NYAP2: variants seen among roughly 807,000 people sequenced by gnomAD.
The protein encoded by NYAP2 is neuronal tyrosine-phosphorylated phosphoinositide-3-kinase adaptor 2, also known as neuronal tyrosine-phosphorylated phosphoinositide-3-kinase adapter 2.
NYAP2 carries 23 observed loss-of-function variants against 50.4 expected under a neutral mutation model. That is an observed-to-expected ratio of 0.46 (90% CI 0.33 to 0.65). The LOEUF is 0.65. Ranked by LOEUF, NYAP2 falls within the 30% of genes least tolerant of loss-of-function variation. The pLI is 0.02. For missense variants in NYAP2, 885 were observed against 861.0 expected, an observed-to-expected ratio of 1.03 and a Z score of -0.35; for synonymous variants, 394 against 365.2, an observed-to-expected ratio of 1.08 and a Z score of -0.90.
At chr2:225,549,087 G>T (rs1691630973) in intron 4 of NYAP2, among the ~76,000 whole-genome samples, 2 of 151,934 alleles carry the variant, frequency 1.3e-5, no homozygotes, top group African/African-American at 4.8e-5. Context: ...TGTCATTCTG[G>T]CCAGGCTGGT....
In NYAP2 at chr2:225,545,274, T is replaced by C. The variant is rs548391000; in HGVS notation, c.523+31602T>C. ...GACATTTTCCCTTTGAATAAACTTT[T>C]TACCCTTATCTCTTTCTCTACGTCC... On this transcript the variant is annotated intron_variant, in intron 4 of 6. Transcript: ENST00000636099. Among the ~76,000 whole-genome samples the C allele has an allele frequency of 5.3e-5, 8 of 152,312 alleles. No individual in the cohort carries two copies. In the South Asian group the frequency reaches 1.2e-3, roughly 24 times the overall value.
At chr2:225,511,369 C>G (rs3957272) in intron 3 of NYAP2, among the ~76,000 whole-genome samples, 25,169 of 132,350 alleles carry the variant, frequency 0.19, 2,446 homozygotes, top group East Asian at 0.32. Flanking sequence ...CACACACACA[C>G]ACACAGAGAG....
chr2:225,675,152 T>A, the NYAP2 span, among the ~76,000 whole-genome samples: 3 of 152,058 alleles, frequency 2.0e-5, no homozygotes, highest in African/African-American at 7.2e-5. Flanking sequence ...AATTTCAACT[T>A]TTATTATAGT....
At chr2:225,648,173 G>T (rs1211482325) in intron 6 of NYAP2, among the ~76,000 whole-genome samples, 1 of 152,000 alleles carries the variant, frequency 6.6e-6, no homozygotes, top group Admixed American at 6.6e-5. Flanking sequence ...GCAAATTTTT[G>T]TATTTTTAGT....
intron 4 of NYAP2, among the ~76,000 whole-genome samples, chr2:225,559,856 G>A (rs2106214967): frequency 6.6e-6 from 1 of 151,918 alleles, no homozygotes; most frequent in East Asian, 1.9e-4. Flanking sequence ...ATATATCTAT[G>A]CTTTATACAT....
intron 6 of NYAP2, among the ~76,000 whole-genome samples, chr2:225,644,379 C>T (rs1425047781): frequency 6.6e-6 from 1 of 150,928 alleles, no homozygotes; most frequent in Admixed American, 6.6e-5. Context: ...AATTTTCTCC[C>T]ATTTTGTAGG....
At chr2:225,550,083 G>A (rs553171188) in intron 4 of NYAP2, among the ~76,000 whole-genome samples, 6 of 152,184 alleles carry the variant, frequency 3.9e-5, no homozygotes, top group Non-Finnish European at 7.4e-5. Context: ...AAGAGAACAA[G>A]CCAAGAAAGG....
At chr2:225,432,558 A>G (rs1689287057) in intron 3 of NYAP2, among the ~76,000 whole-genome samples, 1 of 151,902 alleles carries the variant, frequency 6.6e-6, no homozygotes, top group South Asian at 2.1e-4. Context: ...ATAAATATAT[A>G]TGGCTATATA....
At chr2:225,454,442 C>T (rs1476821464) in intron 3 of NYAP2, among the ~76,000 whole-genome samples, 1 of 152,104 alleles carries the variant, frequency 6.6e-6, no homozygotes, top group Non-Finnish European at 1.5e-5. Context: ...GTCTAGTGTC[C>T]TAGGAATTCA....
In NYAP2 at chr2:225,573,956, G is replaced by T. The variant is rs867657872; in HGVS notation, c.524-7985G>T. Among the ~76,000 whole-genome samples, 3 of 152,168 alleles carry T rather than the reference G, an allele frequency of 2.0e-5. No homozygotes were observed. In the South Asian group the frequency reaches 6.2e-4, roughly 32 times the overall value. ...CTATTGATAGACAGAATGTGTAAAA[G>T]CAGGGAAGGTGTTGAGGGTGGCTAT... On this transcript the variant is annotated intron_variant, in intron 4 of 6. Coordinates refer to ENST00000636099, the Ensembl canonical transcript of NYAP2.
At chr2:225,646,041 G>A (rs1559239339) in intron 6 of NYAP2, among the ~76,000 whole-genome samples, 1 of 152,114 alleles carries the variant, frequency 6.6e-6, no homozygotes, top group Non-Finnish European at 1.5e-5. Context: ...TGAAAGGCAT[G>A]GTTATAATTA....
chr2:225,684,396 T>TTC, the NYAP2 span, among the ~76,000 whole-genome samples: 6 of 149,456 alleles, frequency 4.0e-5, no homozygotes, highest in African/African-American at 9.9e-5. Context: ...CTATGTTTCT[T>TTC]TCTCTCTCTC....
chr2:225,598,031 G>C (rs1419375686), intron 5 of NYAP2, among the ~76,000 whole-genome samples: 1 of 152,086 alleles, frequency 6.6e-6, no homozygotes, highest in African/African-American at 2.4e-5. Context: ...GGAGCATAAA[G>C]AATTGGAGAG....
chr2:225,548,963 C>A (rs1190224714), intron 4 of NYAP2, among the ~76,000 whole-genome samples: 1 of 151,724 alleles, frequency 6.6e-6, no homozygotes, highest in Non-Finnish European at 1.5e-5. Flanking sequence ...CTCACTGCAA[C>A]CTCTACCTCC....
At chr2:225,415,077 G>T (rs145500337) in intron 3 of NYAP2, among the ~76,000 whole-genome samples, 2 of 152,192 alleles carry the variant, frequency 1.3e-5, no homozygotes, top group African/African-American at 2.4e-5. Context: ...TGACACAAAG[G>T]ACTACTTAGG....
chr2:225,414,208 C>T (rs940278826), intron 3 of NYAP2, among the ~76,000 whole-genome samples: 1 of 152,102 alleles, frequency 6.6e-6, no homozygotes, highest in East Asian at 1.9e-4. Context: ...TGGGATTTTA[C>T]TCAAAAGTCT....
At chr2:225,398,119 C>T (rs557214773), upstream of NYAP2, among the ~76,000 whole-genome samples, 1 of 152,076 alleles carries the variant, frequency 6.6e-6, no homozygotes, top group East Asian at 1.9e-4. Flanking sequence ...AACTGTATGT[C>T]AGCCTCTCCT....
chr2:225,608,484 C>G (rs1692827752), intron 5 of NYAP2, among the ~76,000 whole-genome samples: 1 of 152,070 alleles, frequency 6.6e-6, no homozygotes, highest in Non-Finnish European at 1.5e-5. Context: ...AACTCTGTAG[C>G]CTGCCACTTA....
At chr2:225,671,572 C>T in the NYAP2 span, among the ~76,000 whole-genome samples, 1 of 152,130 alleles carries the variant, frequency 6.6e-6, no homozygotes, top group Admixed American at 6.6e-5. Context: ...TCAACTTCTT[C>T]CAAATTCCTG....
Sources: allele counts gnomAD v4.1 joint callset (sites outside exome capture counted in the v4.1 genomes callset), GRCh38; gene constraint gnomAD v4.1.1; transcripts MANE v1.5; gene names NCBI Gene and HGNC (gene_info 2026-07-23, HGNC 2026-07-21).